Variants in TTC9B observed in about 807,000 individuals in gnomAD.
The protein encoded by TTC9B is tetratricopeptide repeat protein 9B.
TTC9B carries 12 observed loss-of-function variants against 19.4 expected under a neutral mutation model. The ratio of observed to expected loss-of-function variants is 0.62; its 90% confidence interval spans 0.40 to 1.00. The LOEUF (loss-of-function observed/expected upper bound fraction) is 1.00, where lower values mean the gene tolerates loss of function less well. Ranked by LOEUF, TTC9B falls within the 50% of genes least tolerant of loss-of-function variation. TTC9B has a pLI of 0.00. For missense variants in TTC9B, 316 were observed against 345.2 expected (o/e 0.92, Z 0.67); for synonymous variants, 156 against 158.6 (o/e 0.98, Z 0.12).
Position 40,217,204 on chromosome 19 carries a change from C to A in TTC9B, c.593G>T (p.Arg198Leu). ...ARALRYLQEA[R>L]SREPTDTNVL... ...CCACTCACCTGTGGGTTCCCGGCTG[C>A]GGGCCTCCTGCAGGTAGCGCAGCGC... Residue 198 changes from arginine to leucine, a missense_variant, in exon 2 of 3, where the codon CGC becomes CTC. By Grantham distance (102) the Arg-to-Leu change is moderately radical (BLOSUM62 -2). Transcript: ENST00000311308. 2 of 1,612,790 alleles carry A rather than the reference C, an allele frequency of 1.2e-6. No homozygotes were observed. Among genetic ancestry groups the A allele is most frequent in the Middle Eastern group, 1.7e-4 (1 of 5,964 alleles).
At chr19:40,217,920 C>CG in intron 1 of TTC9B, 35 bp downstream of exon 1, 7 of 1,316,524 alleles carry the variant, frequency 5.3e-6, no homozygotes, top group African/African-American at 3.2e-5. Context: ...GCCCCCTCCC[C>CG]TCGTGCCCCA....
rs375265819 is a variant in TTC9B, at chr19:40,216,283, G to T, written c.611-11C>A. 6.2e-7 allele frequency: 1 copy of T among 1,611,112 alleles called. No individual in the cohort carries two copies. The highest frequency in any genetic ancestry group is 8.5e-7 in the Non-Finnish European group (1 of 1,177,680). ...GGAGCACATTGGTGTCTGCAGGGGAGGTGGGCAGGGCATCATCTGGGTGTC... is the reference window on the plus strand; with the variant it reads ...GGAGCACATTGGTGTCTGCAGGGGATGTGGGCAGGGCATCATCTGGGTGTC... On this transcript the variant is annotated splice_polypyrimidine_tract_variant and intron_variant, in intron 2 of 2. Coordinates refer to ENST00000311308, the MANE Select transcript of TTC9B (RefSeq NM_152479.6).
rs775712164 is a variant in TTC9B at position 40,218,262 on chromosome 19, G to T, written c.120C>A (p.Gly40=). The change falls in exon 1 of 3, where the codon GGC becomes GGA. Residue 40 remains glycine (G), a synonymous_variant. Coordinates refer to ENST00000311308, the MANE Select transcript of TTC9B (RefSeq NM_152479.6). This position sits in a 1 kb window ranked among gnomAD's most constrained non-coding sequence, Gnocchi z 4.2. ...CTGGGGTAGGACCGGGACGAGCCGA[G>T]CCATGGCGGGAGCCCGAGCCTGGGC... ...GSGPGSGSRH[G]SARPGPTPEP... The T allele has an allele frequency of 6.9e-5, 103 of 1,487,994 alleles. No individual in the cohort carries two copies. The highest frequency in any genetic ancestry group is 8.7e-5 in the Non-Finnish European group (98 of 1,125,824). 92.2% of individuals were successfully genotyped at this position (1,487,994 alleles called of 1,614,324 possible).
chr19:40,216,806 A>G, intron 2 of TTC9B: 2 of 376,790 alleles, frequency 5.3e-6, no homozygotes, highest in South Asian at 7.0e-5. Flanking sequence ...GGTGTGCGTG[A>G]ATGGGTGAGT....
intron 1 of TTC9B, 150 bp downstream of exon 1, chr19:40,217,805 A>C: frequency 2.9e-6 from 2 of 684,040 alleles, no homozygotes; most frequent in Non-Finnish European, 4.4e-6. Context: ...CCCTACCCCT[A>C]ATCCCTTTCC....
In TTC9B at chr19:40,218,219, C is replaced by G. The variant is rs772897218; in HGVS notation, c.163G>C (p.Gly55Arg). ...CGCAGGCTGCTGTCGAGCGCCGCGCCCAGGCTCCCCGACGGCTCTGGGGTA... is the reference window on the plus strand; with the variant it reads ...CGCAGGCTGCTGTCGAGCGCCGCGCGCAGGCTCCCCGACGGCTCTGGGGTA... ...GPTPEPSGSL[G>R]AALDSSLRAA... Residue 55 changes from glycine (G) to arginine (R), a missense_variant, in exon 1 of 3, where the codon GGC (glycine) becomes CGC (arginine). By Grantham distance (125) the Gly-to-Arg change is moderately radical. Coordinates refer to ENST00000311308, the MANE Select transcript of TTC9B (RefSeq NM_152479.6). The surrounding 1 kb of genome is among the most constrained non-coding windows in gnomAD (Gnocchi z 4.2). 1 of 1,567,128 alleles carries G rather than the reference C, an allele frequency of 6.4e-7. No individual in the cohort carries two copies. Among genetic ancestry groups the G allele is most frequent in the East Asian group, 2.6e-5 (1 of 38,820 alleles).
chr19:40,217,901 C>T lies in TTC9B; in HGVS notation c.427+54G>A, dbSNP rs976904666. 7.8e-5 allele frequency: 106 copies of T among 1,361,842 alleles called. No individual in the cohort carries two copies. In the African/African-American group the frequency reaches 1.5e-3, roughly 20 times the overall value. 84.4% of individuals were successfully genotyped at this position (1,361,842 alleles called of 1,614,324 possible). ...CCCCTGGCCCCCAAGTCGCCAAGCT[C>T]TCCCGATTGCCCCCTCCCCTCGTGC... On this transcript the variant is annotated intron_variant, in intron 1 of 2. Coordinates refer to ENST00000311308, the MANE Select transcript of TTC9B (RefSeq NM_152479.6).
chr19:40,217,930 A>ACCCC, intron 1 of TTC9B, 25 bp downstream of exon 1: 2 of 702,574 alleles, frequency 2.8e-6, no homozygotes, highest in East Asian at 5.2e-5. Context: ...CTCGTGCCCC[A>ACCCC]TCCCCCCACC....
At chr19:40,216,296 TCATCTGGGTGTCCCGGGGCAGCA>T in intron 2 of TTC9B, 24 bp from the exon 3 acceptor site, 2 of 1,596,058 alleles carry the variant, frequency 1.3e-6, no homozygotes, top group South Asian at 2.2e-5. Flanking sequence ...GGGCAGGGCA[TCATCTGGGTGTCCCGGGGCAGCA>T]GGTGACTTCC....
At chr19:40,217,002 G>A (rs1973376416) in intron 2 of TTC9B, 185 bp downstream of exon 2, 1 of 635,602 alleles carries the variant, frequency 1.6e-6, no homozygotes. Context: ...CGGGTGAAGG[G>A]CGGGGTGGAT....
chr19:40,218,204 T>C lies in TTC9B; in HGVS notation c.178A>G (p.Ser60Gly). The change falls in exon 1 of 3, where the codon AGC (serine) becomes GGC (glycine). Residue 60 changes from serine to glycine, a missense_variant. By Grantham distance (56) the Ser-to-Gly change is moderately conservative. Coordinates refer to ENST00000311308, the MANE Select transcript of TTC9B (RefSeq NM_152479.6). The surrounding 1 kb of genome is among the most constrained non-coding windows in gnomAD (Gnocchi z 4.2). ...AACGCCACGGCGGCACGCAGGCTGC[T>C]GTCGAGCGCCGCGCCCAGGCTCCCC... Reference protein sequence around the residue: ...PSGSLGAALDSSLRAAVAFKA... With the variant: ...PSGSLGAALDGSLRAAVAFKA... The C allele has an allele frequency of 6.4e-7, 1 of 1,572,634 alleles. No individual in the cohort carries two copies. Among genetic ancestry groups the C allele is most frequent in the Admixed American group, 1.8e-5 (1 of 55,052 alleles).
Position 40,218,307 on chromosome 19 carries a change from G to A in TTC9B, c.75C>T (p.Ala25=). 4 of 1,377,328 alleles carry A rather than the reference G, an allele frequency of 2.9e-6. No individual in the cohort carries two copies. The South Asian group carries it at 6.7e-5, about 23-fold the overall frequency. The allele number at this position is 1,377,328 out of a possible 1,614,324, so 85.3% of individuals were successfully genotyped here. A position where few individuals can be genotyped will look rare whatever the true frequency, so the allele number is the denominator to read the frequency against. Residue 25 remains alanine, a synonymous_variant, in exon 1 of 3, where the codon GCC becomes GCT. Coordinates refer to ENST00000311308, the MANE Select transcript of TTC9B (RefSeq NM_152479.6). The surrounding 1 kb of genome is among the most constrained non-coding windows in gnomAD (Gnocchi z 4.2). ...CTGGGCCCGAGCCCGGTGGGGAGAG[G>A]GCGGGAGGCGGGCGCGGCGGAGGCT... ...APEPPPRPPP[A]LSPPGSGPGS... is the part of the protein sequence containing the mutation.
chr19:40,217,695 G>A (rs918487453), intron 1 of TTC9B: 4 of 514,606 alleles, frequency 7.8e-6, no homozygotes, highest in Non-Finnish European at 1.3e-5. Flanking sequence ...GTGCGGCCAG[G>A]GGGTGGAAAG....
chr19:40,218,053 G>T lies in TTC9B; in HGVS notation c.329C>A (p.Ala110Asp). The T allele has an allele frequency of 6.6e-7, 1 of 1,507,204 alleles. No homozygotes were observed. 93.4% of individuals were successfully genotyped at this position (1,507,204 alleles called of 1,614,324 possible). A position where few individuals can be genotyped will look rare whatever the true frequency, so the allele number is the denominator to read the frequency against. Residue 110 changes from alanine to aspartate, a missense_variant, in exon 1 of 3, where the codon GCC (alanine) becomes GAC (aspartate). By Grantham distance (126) the Ala-to-Asp change is moderately radical. Transcript: ENST00000311308. This position sits in a 1 kb window ranked among gnomAD's most constrained non-coding sequence, Gnocchi z 4.2. ...CCCGGGGCTGCTGGTGGGCCCGGGGGCGGGGGCGGGCAGGCCGCTAGGGCG... is the reference window on the plus strand; with the variant it reads ...CCCGGGGCTGCTGGTGGGCCCGGGGTCGGGGGCGGGCAGGCCGCTAGGGCG... ...GARPSGLPAP[A>D]PGPTSSPGPA...
At position 40,217,178 on chromosome 19, in the gene TTC9B, G is replaced by C. The variant is rs776864091; in HGVS notation, c.610+9C>G. On this transcript the variant is annotated intron_variant, in intron 2 of 2. Coordinates refer to ENST00000311308, the MANE Select transcript of TTC9B (RefSeq NM_152479.6). ...CCAGCCCTCACCTCTGCCCCGCCCC[G>C]CCACTCACCTGTGGGTTCCCGGCTG... 1.9e-6 allele frequency: 3 copies of C among 1,607,678 alleles called. No individual in the cohort carries two copies. Among genetic ancestry groups the C allele is most frequent in the East Asian group, 2.2e-5 (1 of 44,800 alleles).
In TTC9B at chr19:40,216,962, G is replaced by A. The variant is rs371307966; in HGVS notation, c.610+225C>T. 2.0e-5 allele frequency: 12 copies of A among 594,178 alleles called. No individual in the cohort carries two copies. The East Asian group carries it at 3.1e-4, about 15-fold the overall frequency. The allele number at this position is 594,178 out of a possible 1,614,324, so 36.8% of individuals were successfully genotyped here. A position where few individuals can be genotyped will look rare whatever the true frequency, so the allele number is the denominator to read the frequency against. ...GAGAAATGGCCGGGGAGATGTCAGA[G>A]GAGCGATAGGTGGACGGATGTTTGA... On this transcript the variant is annotated intron_variant, in intron 2 of 2. Transcript: ENST00000311308.
intron 1 of TTC9B, 41 bp downstream of exon 1, chr19:40,217,914 C>T: frequency 2.2e-6 from 3 of 1,341,432 alleles, no homozygotes; most frequent in Non-Finnish European, 2.9e-6. Flanking sequence ...CCGATTGCCC[C>T]CTCCCCTCGT....
At chr19:40,217,641 C>T (rs1349973361) in intron 1 of TTC9B, 4 of 524,640 alleles carry the variant, frequency 7.6e-6, no homozygotes, top group Non-Finnish European at 6.6e-6. Flanking sequence ...GGGCCGGGAC[C>T]TCGAGAGCCT....
In TTC9B at chr19:40,217,178, G is replaced by A. The variant is rs776864091; in HGVS notation, c.610+9C>T. The A allele has an allele frequency of 2.5e-6, 4 of 1,607,796 alleles. No homozygotes were observed. The highest frequency in any genetic ancestry group is 2.7e-5 in the African/African-American group (2 of 74,964). ...CCAGCCCTCACCTCTGCCCCGCCCC[G>A]CCACTCACCTGTGGGTTCCCGGCTG... On this transcript the variant is annotated intron_variant, in intron 2 of 2. Coordinates refer to ENST00000311308, the MANE Select transcript of TTC9B (RefSeq NM_152479.6).
Sources: gnomAD v4.1 joint callset for allele counts on GRCh38, gnomAD v4.1.1 for gene constraint, Gnocchi (gnomAD v3.1) non-coding constraint, MANE v1.5 for transcripts, NCBI Gene and HGNC (gene_info 2026-07-23, HGNC 2026-07-21) for gene names.